HS3ST3A1: variants seen among roughly 807,000 people sequenced by gnomAD.
The protein encoded by HS3ST3A1 is heparan sulfate glucosamine 3-O-sulfotransferase 3A1.
A neutral mutation model predicts 25.7 loss-of-function variants in HS3ST3A1; 19 were observed. The ratio of observed to expected loss-of-function variants is 0.74; its 90% CI spans 0.52 to 1.08. HS3ST3A1 has a LOEUF of 1.08. HS3ST3A1 is among the 50% of genes least tolerant of loss of function. The probability of loss-of-function intolerance (pLI) is 0.00; values close to 1 mark genes in which losing one functional copy is unlikely to be tolerated. For missense variants in HS3ST3A1, 459 were observed against 594.3 expected, an observed-to-expected ratio of 0.77 and a Z score of 2.37; for synonymous variants, 226 against 278.6, an observed-to-expected ratio of 0.81 and a Z score of 1.88.
intron 1 of HS3ST3A1, among the ~76,000 whole-genome samples, chr17:13,501,441 G>T (rs562707902): frequency 6.7e-6 from 1 of 150,066 alleles, no homozygotes; most frequent in African/African-American, 2.5e-5. Context: ...AAATTAGTTA[G>T]ACAAAAGAGT....
chr17:13,528,161 A>G (rs1906496620), intron 1 of HS3ST3A1, among the ~76,000 whole-genome samples: 1 of 152,208 alleles, frequency 6.6e-6, no homozygotes, highest in Non-Finnish European at 1.5e-5. Context: ...GAACGTCTCC[A>G]TTCCTAATGT....
At chr17:13,558,739 T>A (rs182398523) in intron 1 of HS3ST3A1, among the ~76,000 whole-genome samples, 78 of 152,312 alleles carry the variant, frequency 5.1e-4, no homozygotes, top group African/African-American at 1.9e-3. Flanking sequence ...TACATGCTTT[T>A]TAAAGAACTG....
At chr17:13,537,426 A>G (rs1301227489) in intron 1 of HS3ST3A1, among the ~76,000 whole-genome samples, 2 of 152,148 alleles carry the variant, frequency 1.3e-5, no homozygotes, top group African/African-American at 4.8e-5. Flanking sequence ...CAGCTCCTCC[A>G]TCTCTCTTCC....
intron 1 of HS3ST3A1, among the ~76,000 whole-genome samples, chr17:13,560,965 T>C (rs991055911): frequency 3.7e-4 from 56 of 151,852 alleles, no homozygotes; most frequent in African/African-American, 1.2e-3. Context: ...ATGGGAGAGG[T>C]GGGCACAGAA....
At chr17:13,526,717 G>A (rs893525581) in intron 1 of HS3ST3A1, among the ~76,000 whole-genome samples, 4 of 151,084 alleles carry the variant, frequency 2.6e-5, no homozygotes, top group South Asian at 2.1e-4. Context: ...GCATGATCTC[G>A]GCTTACAGCA....
In HS3ST3A1 at chr17:13,600,702, A is replaced by C; in HGVS notation, c.428T>G (p.Leu143Arg). 1.3e-6 allele frequency: 2 copies of C among 1,569,598 alleles called. No homozygotes were observed. Among genetic ancestry groups the C allele is most frequent in the Non-Finnish European group, 1.7e-6 (2 of 1,165,166 alleles). ...VAEAPPGTLA[L>R]LLDEGSKQLP... The stretch of plus-strand genomic sequence containing the variant: ...CTGCTTGCTGCCTTCGTCCAGGAGC[A>C]GCGCCAGGGTCCCCGGCGGGGCCTC... Residue 143 changes from leucine (L) to arginine (R), a missense_variant, in exon 1 of 2, where the codon CTG (leucine) becomes CGG (arginine). By Grantham distance (102) the Leu-to-Arg change is moderately radical. Transcript: ENST00000284110.
At chr17:13,538,655 A>G (rs1906838927) in intron 1 of HS3ST3A1, among the ~76,000 whole-genome samples, 3 of 151,966 alleles carry the variant, frequency 2.0e-5, no homozygotes, top group Admixed American at 2.0e-4. Context: ...TCCCCCAACC[A>G]CATCATCTGC....
chr17:13,578,574 A>T (rs1433996976), intron 1 of HS3ST3A1, among the ~76,000 whole-genome samples: 4 of 151,274 alleles, frequency 2.6e-5, no homozygotes, highest in Admixed American at 6.6e-5. Context: ...AAAAAAAAAA[A>T]AAAAAAAAGT....
At chr17:13,578,828 G>A (rs1183275097) in intron 1 of HS3ST3A1, among the ~76,000 whole-genome samples, 16 of 152,232 alleles carry the variant, frequency 1.1e-4, no homozygotes, top group Admixed American at 9.8e-4. Flanking sequence ...TTATTTGCAG[G>A]TGTGTCAAGT....
intron 1 of HS3ST3A1, among the ~76,000 whole-genome samples, chr17:13,540,343 G>A (rs1316156686): frequency 2.6e-5 from 4 of 152,170 alleles, no homozygotes; most frequent in African/African-American, 9.7e-5. Context: ...GCTCTAGTTA[G>A]TGGAAAGGGT....
chr17:13,502,692 T>C (rs1027588442), intron 1 of HS3ST3A1, among the ~76,000 whole-genome samples: 6 of 152,180 alleles, frequency 3.9e-5, no homozygotes, highest in African/African-American at 1.4e-4. Flanking sequence ...ATTTGGTCAA[T>C]TTTCTATTTA....
At chr17:13,557,885 G>GA (rs1735842572) in intron 1 of HS3ST3A1, among the ~76,000 whole-genome samples, 2 of 152,214 alleles carry the variant, frequency 1.3e-5, no homozygotes, top group Admixed American at 1.3e-4. Context: ...CAAAATTGCT[G>GA]AAAAGGGACA....
At chr17:13,526,565 T>C (rs1250949417) in intron 1 of HS3ST3A1, among the ~76,000 whole-genome samples, 3 of 145,712 alleles carry the variant, frequency 2.1e-5, no homozygotes, top group African/African-American at 7.6e-5. Context: ...TTAAAAAATA[T>C]ATATTCTCCT....
At chr17:13,527,193 A>G (rs1412652700) in intron 1 of HS3ST3A1, among the ~76,000 whole-genome samples, 1 of 151,920 alleles carries the variant, frequency 6.6e-6, no homozygotes, top group African/African-American at 2.4e-5. Flanking sequence ...CCCCTCTTTC[A>G]TTCCTTTAAA....
chr17:13,500,485 G>A lies in HS3ST3A1; in HGVS notation c.600-3667C>T, dbSNP rs574962088. Among the ~76,000 whole-genome samples, 76 of 152,322 alleles carry A rather than the reference G, an allele frequency of 5.0e-4. 1 individual carries two copies. The South Asian group carries it at 0.016, about 31-fold the overall frequency. On this transcript the variant is annotated intron_variant, in intron 1 of 1. Transcript: ENST00000284110. Reference sequence around the variant, plus strand: ...ATGAGGCAGGCTATGGGAGCACGAAGGTGTGGGCACTGATAAATCACGTGA... The same window carrying A: ...ATGAGGCAGGCTATGGGAGCACGAAAGTGTGGGCACTGATAAATCACGTGA...
chr17:13,550,791 C>A (rs1482242990), intron 1 of HS3ST3A1, among the ~76,000 whole-genome samples: 2 of 151,992 alleles, frequency 1.3e-5, no homozygotes, highest in Non-Finnish European at 2.9e-5. Context: ...AAATCAGGCC[C>A]GGCGCAGTGG....
chr17:13,600,212 G>A (rs1024438002), intron 1 of HS3ST3A1, among the ~76,000 whole-genome samples: 6 of 139,768 alleles, frequency 4.3e-5, no homozygotes, highest in Non-Finnish European at 7.5e-5. Flanking sequence ...TAATTTAGAA[G>A]AGACTTTTTT....
At chr17:13,508,498 C>A (rs533641507) in intron 1 of HS3ST3A1, among the ~76,000 whole-genome samples, 2 of 152,306 alleles carry the variant, frequency 1.3e-5, no homozygotes, top group Non-Finnish European at 2.9e-5. Flanking sequence ...GTTTCCCAAG[C>A]AATTCCACAC....
intron 1 of HS3ST3A1, among the ~76,000 whole-genome samples, chr17:13,589,862 A>G (rs777792424): frequency 3.9e-5 from 6 of 152,308 alleles, no homozygotes; most frequent in South Asian, 2.1e-4. Context: ...AGCTTAATCC[A>G]GTTCCCTTTT....
Sources: allele counts gnomAD v4.1 joint callset (sites outside exome capture counted in the v4.1 genomes callset), GRCh38; gene constraint gnomAD v4.1.1; transcripts MANE v1.5; gene names NCBI Gene and HGNC (gene_info 2026-07-23, HGNC 2026-07-21).